RBMS3: variants seen among roughly 807,000 people sequenced by gnomAD.
RBMS3 encodes RNA-binding motif, single-stranded-interacting protein 3.
In RBMS3, 27 loss-of-function variants were observed where a neutral mutation model predicts 66.8. That is an observed-to-expected ratio of 0.40 (90% confidence interval 0.30 to 0.56). RBMS3 has a LOEUF of 0.56. RBMS3 is among the 20% of genes least tolerant of loss of function. The pLI, the probability that RBMS3 is intolerant of heterozygous loss-of-function variation, is 0.40. For missense variants in RBMS3, 513 were observed against 549.5 expected (o/e 0.93, Z 0.66); for synonymous variants, 188 against 183.0 (o/e 1.03, Z -0.22).
At chr3:29,674,321 G>A (rs2051139392) in intron 4 of RBMS3, among the ~76,000 whole-genome samples, 1 of 152,140 alleles carries the variant, frequency 6.6e-6, no homozygotes, top group South Asian at 2.1e-4. Flanking sequence ...AAGATTGGAA[G>A]CATTCCCTTT....
In RBMS3 at chr3:30,004,146, G is replaced by T. The variant is rs1398554165; in HGVS notation, c.*284G>T. On this transcript the variant is annotated 3_prime_UTR_variant, in exon 15 of 15. Transcript: ENST00000383767. ...AACTACAAAAAACAAAACATTGAAG[G>T]TTGATATTTTATGTGGAAGAACATT... 7.4e-6 allele frequency: 2 copies of T among 270,448 alleles called. No individual in the cohort carries two copies. Among genetic ancestry groups the T allele is most frequent in the African/African-American group, 4.5e-5 (2 of 44,928 alleles). 16.8% of individuals were successfully genotyped at this position (270,448 alleles called of 1,614,324 possible). A position where few individuals can be genotyped will look rare whatever the true frequency, so the allele number is the denominator to read the frequency against.
intron 3 of RBMS3, among the ~76,000 whole-genome samples, chr3:29,571,613 A>G (rs899756892): frequency 1.3e-5 from 2 of 152,010 alleles, no homozygotes; most frequent in South Asian, 2.1e-4. Flanking sequence ...TAGATTTTCT[A>G]TTATGTTCCA....
chr3:29,710,708 GC>G (rs199501770), intron 4 of RBMS3, among the ~76,000 whole-genome samples: 2,842 of 152,220 alleles, frequency 0.019, 46 homozygotes, highest in Middle Eastern at 0.044. Flanking sequence ...TAACTGTCAG[GC>G]CATGCATTAC....
intron 1 of RBMS3, among the ~76,000 whole-genome samples, chr3:29,430,338 A>C (rs150250929): frequency 1.3e-5 from 2 of 152,024 alleles, no homozygotes; most frequent in African/African-American, 4.8e-5. Flanking sequence ...ATTTACGAAC[A>C]AGGATATGAC....
At chr3:29,680,884 C>G in intron 4 of RBMS3, among the ~76,000 whole-genome samples, 1 of 152,160 alleles carries the variant, frequency 6.6e-6, no homozygotes, top group East Asian at 1.9e-4. Context: ...ATACAGGAAT[C>G]TTAAGTATGC....
At chr3:29,504,208 C>T (rs1050454363) in intron 3 of RBMS3, among the ~76,000 whole-genome samples, 3 of 152,022 alleles carry the variant, frequency 2.0e-5, no homozygotes, top group Non-Finnish European at 4.4e-5. Flanking sequence ...ATGTCTGAGC[C>T]GTGCCAGTTA....
chr3:29,536,458 T>A (rs944284767), intron 3 of RBMS3, among the ~76,000 whole-genome samples: 2 of 152,236 alleles, frequency 1.3e-5, no homozygotes, highest in Non-Finnish European at 2.9e-5. Context: ...CTGCGTCATG[T>A]GCTGCATCAG....
At chr3:29,353,365 G>C (rs1249230872) in intron 1 of RBMS3, among the ~76,000 whole-genome samples, 8 of 151,912 alleles carry the variant, frequency 5.3e-5, no homozygotes, top group Admixed American at 2.6e-4. Flanking sequence ...ATTATCAGGA[G>C]TTTTTTATTA....
intron 6 of RBMS3, among the ~76,000 whole-genome samples, chr3:29,809,239 C>A (rs80211736): frequency 6.1e-4 from 92 of 150,568 alleles, no homozygotes; most frequent in African/African-American, 2.2e-3. Flanking sequence ...GAATTTCATT[C>A]TTGTTATTTT....
In RBMS3 at chr3:29,789,724, A is replaced by G. The variant is rs187801978; in HGVS notation, c.637+26735A>G. 2.8e-3 allele frequency among the ~76,000 whole-genome samples: 430 copies of G among 152,210 alleles called. 5 individuals are homozygous for G. The highest frequency in any genetic ancestry group is 9.5e-3 in the African/African-American group (396 of 41,522). ...TCTGGCTTTTTTGCTTATCTATTTT[A>G]CAATAACTTTAAAATTTATATTTTA... is the stretch of plus-strand genomic sequence containing the variant. On this transcript the variant is annotated intron_variant, in intron 6 of 14. Transcript: ENST00000383767.
chr3:29,731,074 TG>T, intron 4 of RBMS3: 2 of 957,974 alleles, frequency 2.1e-6, no homozygotes, highest in Non-Finnish European at 2.5e-6. Flanking sequence ...CTAACTCAAT[TG>T]AAGGCTCCTC....
chr3:29,958,979 G>T (rs945021390), intron 12 of RBMS3, among the ~76,000 whole-genome samples: 8 of 152,088 alleles, frequency 5.3e-5, no homozygotes, highest in Admixed American at 3.3e-4. Context: ...TTTCACCATA[G>T]TTCATTCCTG....
rs2054139690 is a variant in RBMS3, at chr3:29,731,616, T to C, written c.400-8104T>C. Among the ~76,000 whole-genome samples, 4 of 152,184 alleles carry C rather than the reference T, an allele frequency of 2.6e-5. No homozygotes were observed. The South Asian group carries it at 8.3e-4, about 32-fold the overall frequency. On this transcript the variant is annotated intron_variant, in intron 4 of 14. Transcript: ENST00000383767. ...CTTGGATGTTTGCTTCTGGAGCGCC[T>C]GTCTTGAGGTAAGGCATCTTACTTT...
At chr3:29,647,346 G>T (rs1391144473) in intron 4 of RBMS3, among the ~76,000 whole-genome samples, 2 of 152,122 alleles carry the variant, frequency 1.3e-5, no homozygotes, top group Admixed American at 6.5e-5. Flanking sequence ...GCCAGGAAGT[G>T]TCTTAACACT....
intron 6 of RBMS3, among the ~76,000 whole-genome samples, chr3:29,822,115 G>C (rs1253140822): frequency 6.6e-6 from 1 of 152,168 alleles, no homozygotes; most frequent in African/African-American, 2.4e-5. Flanking sequence ...TTTCTTGTGT[G>C]CTTTTCATCA....
intron 1 of RBMS3, among the ~76,000 whole-genome samples, chr3:29,314,838 G>A (rs938786698): frequency 6.6e-6 from 1 of 151,686 alleles, no homozygotes; most frequent in Non-Finnish European, 1.5e-5. Context: ...AATTAGAGTT[G>A]CTCTTTCCTT....
At chr3:29,505,596 CT>C (rs1436485003) in intron 3 of RBMS3, among the ~76,000 whole-genome samples, 1 of 149,470 alleles carries the variant, frequency 6.7e-6, no homozygotes, top group African/African-American at 2.5e-5. Context: ...AATTTTAGGA[CT>C]TTTTTTTATT....
chr3:29,383,089 A>G lies in RBMS3; in HGVS notation c.76-51654A>G, dbSNP rs114159636. ...CTCTGGCTTTTCAGGCCCCACAAGC[A>G]GCCTCTAGGGCAACAAGGTCATAGA... On this transcript the variant is annotated intron_variant, in intron 1 of 14. Coordinates refer to ENST00000383767, the MANE Select transcript of RBMS3 (RefSeq NM_001003793.3). Among the ~76,000 whole-genome samples, 857 of 152,342 alleles carry G rather than the reference A, an allele frequency of 5.6e-3. 4 individuals carry two copies. Among genetic ancestry groups the G allele is most frequent in the African/African-American group, 0.02 (819 of 41,576 alleles).
In RBMS3 at chr3:29,936,102, C is replaced by G. The variant is rs2061258181; in HGVS notation, c.956C>G (p.Pro319Arg). Residue 319 changes from proline to arginine, a missense_variant, in exon 11 of 15, where the codon CCA becomes CGA. Physicochemically the swap from Pro to Arg is moderately radical, Grantham distance 103 (BLOSUM62 -2). Coordinates refer to ENST00000383767, the MANE Select transcript of RBMS3 (RefSeq NM_001003793.3). ...TGCTTGTAGGGTGCTGTGATTACAC[C>G]AACCATGGACCATCCCATGTCAATG... is the stretch of plus-strand genomic sequence containing the variant. ...VMQPTGAVITPTMDHPMSMQP... is the reference protein window; with the variant it reads ...VMQPTGAVITRTMDHPMSMQP... 2.5e-6 allele frequency: 4 copies of G among 1,612,942 alleles called. No individual in the cohort carries two copies. Among genetic ancestry groups the G allele is most frequent in the Non-Finnish European group, 3.4e-6 (4 of 1,179,348 alleles).
Sources: gnomAD v4.1 joint callset for allele counts (sites outside exome capture counted in the v4.1 genomes callset) on GRCh38, gnomAD v4.1.1 for gene constraint, MANE v1.5 for transcripts, NCBI Gene and HGNC (gene_info 2026-07-23, HGNC 2026-07-21) for gene names.